The following AHNAK variants were observed in gnomAD, a reference collection of about 807,000 sequenced individuals.
AHNAK encodes the protein neuroblast differentiation-associated protein AHNAK.
AHNAK carries 23 observed loss-of-function variants against 37.8 expected under a neutral mutation model. The observed-to-expected ratio is 0.61, with a 90% confidence interval of 0.44 to 0.86. The LOEUF is 0.86. Ranked by LOEUF, AHNAK falls within the 40% of genes least tolerant of loss-of-function variation. The pLI is 0.00. For synonymous variants in AHNAK, 2,481 were observed against 2,636.3 expected (o/e 0.94, Z 1.80); for missense variants, 7,411 against 7,319.4 (o/e 1.01, Z -0.46).
chr11:62,542,449 C>G (rs1180268891), intron 1 of AHNAK, among the ~76,000 whole-genome samples: 5 of 152,014 alleles, frequency 3.3e-5, no homozygotes, highest in Admixed American at 3.3e-4. Context: ...CCCATCACCC[C>G]CTTCCCCTGG....
chr11:62,516,484 AT>A lies in AHNAK; in HGVS notation c.*259del. The A allele has an allele frequency of 7.5e-7, 1 of 1,330,218 alleles. No individual in the cohort carries two copies. The highest frequency in any genetic ancestry group is 9.6e-7 in the Non-Finnish European group (1 of 1,038,238). 82.4% of individuals were successfully genotyped at this position (1,330,218 alleles called of 1,614,324 possible). On this transcript the variant is annotated 3_prime_UTR_variant, in exon 5 of 5. Coordinates refer to ENST00000378024, the MANE Select transcript of AHNAK (RefSeq NM_001620.3). ...AGCTCTCAGCAGTCAATGCAAAAAAATATATATATATGAAATCTTAAGGCAA... is the reference window on the plus strand; with the variant it reads ...AGCTCTCAGCAGTCAATGCAAAAAAAATATATATATGAAATCTTAAGGCAA...
intron 5 of AHNAK, among the ~76,000 whole-genome samples, chr11:62,483,849 A>G (rs1590620662): frequency 1.5e-5 from 2 of 135,894 alleles, no homozygotes. Context: ...ACAGAGCAAG[A>G]CTCCATCTCA....
Position 62,529,793 on chromosome 11 carries a change from A to G in AHNAK, c.4624T>C (p.Ser1542Pro), listed in dbSNP as rs1940657432. The G allele has an allele frequency of 6.2e-7, 1 of 1,614,034 alleles. No homozygotes were observed. Among genetic ancestry groups the G allele is most frequent in the African/African-American group, 1.3e-5 (1 of 74,902 alleles). Reference protein sequence around the residue: ...MNLPKADLGVSGPKVDIDVPD... With the variant: ...MNLPKADLGVPGPKVDIDVPD... ...ACATCAATGTCCACCTTGGGTCCTG[A>G]AACACCAAGGTCAGCCTTGGGCAGG... The change falls in exon 5 of 5, where the codon TCA (serine) becomes CCA (proline). Residue 1542 changes from serine (S) to proline (P), a missense_variant. Ser to Pro is a moderately conservative substitution (Grantham distance 74). Transcript: ENST00000378024.
chr11:62,464,120 C>G (rs1245753341), intron 5 of AHNAK, among the ~76,000 whole-genome samples: 1 of 151,530 alleles, frequency 6.6e-6, no homozygotes, highest in Non-Finnish European at 1.5e-5. Context: ...CTCAACCACC[C>G]TGGCCCAAGT....
chr11:62,534,037 G>C lies in AHNAK; in HGVS notation c.380C>G (p.Thr127Arg), dbSNP rs369654662. ...DDEEYQRIYT[T>R]KIKPRLKSED... ...CGACTTCAGCCGTGGCTTGATCTTC[G>C]TGGTGTAGATGCGCTGGTACTCCTC... Residue 127 changes from threonine to arginine, a missense_variant, in exon 5 of 5, where the codon ACG becomes AGG. Physicochemically the swap from Thr to Arg is moderately conservative, Grantham distance 71 (BLOSUM62 -1). Coordinates refer to ENST00000378024, the MANE Select transcript of AHNAK (RefSeq NM_001620.3). 4 of 1,571,950 alleles carry C rather than the reference G, an allele frequency of 2.5e-6. No individual in the cohort carries two copies. In the Admixed American group the frequency reaches 5.3e-5, roughly 21 times the overall value.
Position 62,518,254 on chromosome 11 carries a change from C to T in AHNAK, c.16163G>A (p.Gly5388Glu). The T allele has an allele frequency of 6.2e-7, 1 of 1,614,162 alleles. No homozygotes were observed. The highest frequency in any genetic ancestry group is 8.5e-7 in the Non-Finnish European group (1 of 1,180,018). ...GDIKCPKVSV[G>E]APDLSLEASE... is the part of the protein sequence containing the mutation. ...TGCCTCCAAGCTTAGATCAGGAGCT[C>T]CTACGGATACTTTAGGGCATTTGAT... Residue 5388 changes from glycine (G) to glutamate (E), a missense_variant, in exon 5 of 5, where the codon GGA (glycine) becomes GAA (glutamate). Gly to Glu is a moderately conservative substitution (Grantham distance 98). Coordinates refer to ENST00000378024, the MANE Select transcript of AHNAK (RefSeq NM_001620.3).
chr11:62,531,768 G>T lies in AHNAK; in HGVS notation c.2649C>A (p.Pro883=). Residue 883 remains proline, a synonymous_variant, in exon 5 of 5, where the codon CCC becomes CCA. Transcript: ENST00000378024. ...WHLKMPKMKM[P]KFSMPGFKAE... is the part of the protein sequence containing the mutation. Reference sequence around the variant, plus strand: ...CTTTGAAGCCAGGCATGCTGAACTTGGGCATTTTCATCTTGGGCATCTTCA... The same window carrying T: ...CTTTGAAGCCAGGCATGCTGAACTTTGGCATTTTCATCTTGGGCATCTTCA... The T allele has an allele frequency of 6.2e-7, 1 of 1,613,638 alleles. No homozygotes were observed. Among genetic ancestry groups the T allele is most frequent in the Non-Finnish European group, 8.5e-7 (1 of 1,179,948 alleles).
intron 5 of AHNAK, among the ~76,000 whole-genome samples, chr11:62,488,113 T>G (rs1939427967): frequency 6.6e-6 from 1 of 152,240 alleles, no homozygotes; most frequent in Non-Finnish European, 1.5e-5. Context: ...GCTTTAATTC[T>G]GCCACCTTCC....
At chr11:62,460,246 C>G (rs1719396684) in intron 5 of AHNAK, among the ~76,000 whole-genome samples, 1 of 152,178 alleles carries the variant, frequency 6.6e-6, no homozygotes, top group Non-Finnish European at 1.5e-5. Flanking sequence ...AAGATCACAC[C>G]ACTGCACTCC....
At position 62,532,767 on chromosome 11, in the gene AHNAK, T is replaced by C. The variant is rs769389707; in HGVS notation, c.1650A>G (p.Gly550=). The stretch of plus-strand genomic sequence containing the variant: ...TGCCAAGCCTAGGGCCTGTCAAGGT[T>C]CCCTCTAGGTTTGGTGTCTCTATGT... The part of the protein sequence containing the change: ...RVDIETPNLE[G]TLTGPRLGSP... Residue 550 remains glycine (G), a synonymous_variant, in exon 5 of 5, where the codon GGA becomes GGG. Coordinates refer to ENST00000378024, the MANE Select transcript of AHNAK (RefSeq NM_001620.3). 5 of 1,613,984 alleles carry C rather than the reference T, an allele frequency of 3.1e-6. No homozygotes were observed. The African/African-American group carries it at 6.7e-5, about 22-fold the overall frequency.
chr11:62,449,122 G>A (rs1483399474), intron 5 of AHNAK, among the ~76,000 whole-genome samples: 1 of 152,154 alleles, frequency 6.6e-6, no homozygotes, highest in African/African-American at 2.4e-5. Context: ...TCACCACGCA[G>A]AGCCATCAGG....
downstream of AHNAK, among the ~76,000 whole-genome samples, chr11:62,514,101 T>C (rs571160335): frequency 4.6e-5 from 7 of 152,054 alleles, no homozygotes; most frequent in African/African-American, 1.7e-4. Flanking sequence ...TAAAAAAAAA[T>C]TTAATTGATA....
chr11:62,529,081 G>A lies in AHNAK; in HGVS notation c.5336C>T (p.Pro1779Leu). Reference protein sequence around the residue: ...FKMPKLNIKAPKVSMPDVDLN... With the variant: ...FKMPKLNIKALKVSMPDVDLN... ...GTCCACATCTGGCATGGAGACCTTGGGAGCTTTTATATTCAACTTGGGCAT... is the reference window on the plus strand; with the variant it reads ...GTCCACATCTGGCATGGAGACCTTGAGAGCTTTTATATTCAACTTGGGCAT... Residue 1779 changes from proline (P) to leucine (L), a missense_variant, in exon 5 of 5, where the codon CCC becomes CTC. By Grantham distance (98) the Pro-to-Leu change is moderately conservative (BLOSUM62 -3). Coordinates refer to ENST00000378024, the MANE Select transcript of AHNAK (RefSeq NM_001620.3). 1 of 1,614,016 alleles carries A rather than the reference G, an allele frequency of 6.2e-7. No homozygotes were observed. Among genetic ancestry groups the A allele is most frequent in the Non-Finnish European group, 8.5e-7 (1 of 1,180,024 alleles).
chr11:62,439,055 A>G (rs9736813), intron 5 of AHNAK, among the ~76,000 whole-genome samples: 1 of 148,220 alleles, frequency 6.7e-6, no homozygotes, highest in Non-Finnish European at 1.5e-5. Flanking sequence ...ACCAGGAAGG[A>G]GAGGGATGGA....
At position 62,523,663 on chromosome 11, in the gene AHNAK, T is replaced by C. The variant is rs764774875; in HGVS notation, c.10754A>G (p.Asp3585Gly). ...AACATCCACATCTGGGGCATTGATGTCCACTTTAGGGCCTTTGATATCAAC... is the reference window on the plus strand; with the variant it reads ...AACATCCACATCTGGGGCATTGATGCCCACTTTAGGGCCTTTGATATCAAC... ...PEVDIKGPKV[D>G]INAPDVDVHG... Residue 3585 changes from aspartate (D) to glycine (G), a missense_variant, in exon 5 of 5, where the codon GAC becomes GGC. Physicochemically the swap from Asp to Gly is moderately conservative, Grantham distance 94. Coordinates refer to ENST00000378024, the MANE Select transcript of AHNAK (RefSeq NM_001620.3). The C allele has an allele frequency of 3.1e-6, 5 of 1,614,038 alleles. No homozygotes were observed. The highest frequency in any genetic ancestry group is 2.2e-5 in the East Asian group (1 of 44,884).
chr11:62,518,514 G>T lies in AHNAK; in HGVS notation c.15903C>A (p.Asp5301Glu). 1.9e-6 allele frequency: 3 copies of T among 1,614,042 alleles called. No individual in the cohort carries two copies. The highest frequency in any genetic ancestry group is 2.5e-6 in the Non-Finnish European group (3 of 1,180,014). Residue 5301 changes from aspartate to glutamate, a missense_variant, in exon 5 of 5, where the codon GAC (aspartate) becomes GAA (glutamate). By Grantham distance (45) the Asp-to-Glu change is conservative (BLOSUM62 2). Transcript: ENST00000378024. ...NLSMPKVSGP[D>E]LDLNLKGPSL... The stretch of plus-strand genomic sequence containing the variant: ...TTGGTCCTTTCAAGTTCAGATCAAG[G>T]TCAGGCCCAGAGACTTTTGGCATAG...
At chr11:62,505,685 C>A (rs922266182) in intron 4 of AHNAK, among the ~76,000 whole-genome samples, 27 of 151,938 alleles carry the variant, frequency 1.8e-4, no homozygotes, top group African/African-American at 6.3e-4. Flanking sequence ...CATTGCAAGC[C>A]GCCGCCCTTC....
chr11:62,437,263 G>T (rs1274379148), intron 5 of AHNAK, among the ~76,000 whole-genome samples: 1 of 152,168 alleles, frequency 6.6e-6, no homozygotes, highest in South Asian at 2.1e-4. Context: ...ATCTTCTGTT[G>T]ATGGGAATTT....
chr11:62,526,349 A>G lies in AHNAK; in HGVS notation c.8068T>C (p.Leu2690=), dbSNP rs866772397. The change falls in exon 5 of 5, where the codon TTG becomes CTG. Residue 2690 remains leucine, a synonymous_variant. Coordinates refer to ENST00000378024, the MANE Select transcript of AHNAK (RefSeq NM_001620.3). ...GGCATCTTGAACTTAGGCCCTTTCA[A>G]CTTTCCCTCTGGTCCTTCAATGTTA... is the stretch of plus-strand genomic sequence containing the variant. The part of the protein sequence containing the change: ...DVNIEGPEGK[L]KGPKFKMPEM... 4 of 1,610,120 alleles carry G rather than the reference A, an allele frequency of 2.5e-6. 1 individual carries two copies. Among genetic ancestry groups the G allele is most frequent in the African/African-American group, 2.7e-5 (2 of 73,466 alleles).
Sources: gnomAD v4.1 joint callset for allele counts (sites outside exome capture counted in the v4.1 genomes callset) on GRCh38, gnomAD v4.1.1 for gene constraint, MANE v1.5 for transcripts, NCBI Gene and HGNC (gene_info 2026-07-23, HGNC 2026-07-21) for gene names.